The following DNAH10 variants were observed in gnomAD, a reference collection of about 807,000 sequenced individuals.
The protein encoded by DNAH10 is axonemal beta dynein heavy chain 10.
DNAH10 carries 348 observed loss-of-function variants against 506.6 expected under a neutral mutation model. The ratio of observed to expected loss-of-function variants is 0.69; its 90% CI spans 0.63 to 0.75. The LOEUF (loss-of-function observed/expected upper bound fraction) is 0.75. Ranked by LOEUF, DNAH10 falls within the 30% of genes least tolerant of loss-of-function variation. The pLI, the probability that DNAH10 is intolerant of heterozygous loss-of-function variation, is 0.00. For synonymous variants in DNAH10, 2,059 were observed against 2,198.6 expected, an observed-to-expected ratio of 0.94 and a Z score of 1.78; for missense variants, 5,179 against 5,787.1, an observed-to-expected ratio of 0.89 and a Z score of 3.41.
chr12:123,906,726 T>C (rs1022773119), intron 57 of DNAH10, among the ~76,000 whole-genome samples: 4 of 152,340 alleles, frequency 2.6e-5, no homozygotes, highest in Admixed American at 2.0e-4. Context: ...TTTGAGTTTT[T>C]CCAGATGAGT....
intron 52 of DNAH10, among the ~76,000 whole-genome samples, chr12:123,892,958 GCCT>G (rs2137180850): frequency 6.6e-6 from 1 of 152,324 alleles, no homozygotes; most frequent in African/African-American, 2.4e-5. Flanking sequence ...GGCAAGTGAG[GCCT>G]CCTCATGCTC....
intron 52 of DNAH10, 119 bp downstream of exon 52, chr12:123,887,432 T>A (rs1179142966): frequency 4.9e-6 from 6 of 1,212,284 alleles, no homozygotes; most frequent in Non-Finnish European, 6.6e-6. Flanking sequence ...GGTGTACCTG[T>A]TCCTCCCTCA....
chr12:123,925,277 A>G lies in DNAH10; in HGVS notation c.11921+73A>G. On this transcript the variant is annotated intron_variant, in intron 68 of 78. Transcript: ENST00000673944. The surrounding 1 kb of genome is among the most constrained non-coding windows in gnomAD (Gnocchi z 4.0). ...TCTAGCGTCCTCCCACCTTGGACTC[A>G]AAGAAAGCAGAGGCTGACCAGCTCC... is the stretch of plus-strand genomic sequence containing the variant. 6.2e-7 allele frequency: 1 copy of G among 1,600,104 alleles called. No individual in the cohort carries two copies. Among genetic ancestry groups the G allele is most frequent in the Non-Finnish European group, 8.5e-7 (1 of 1,170,390 alleles).
chr12:123,769,511 G>A (rs965858363), intron 2 of DNAH10, among the ~76,000 whole-genome samples: 5 of 152,100 alleles, frequency 3.3e-5, no homozygotes, highest in African/African-American at 7.2e-5. Context: ...TGGTAGTTCT[G>A]GATGCCACAG....
chr12:123,796,515 G>C, intron 12 of DNAH10, 141 bp from the exon 13 acceptor site: 2 of 720,514 alleles, frequency 2.8e-6, no homozygotes, highest in Non-Finnish European at 4.4e-6. Flanking sequence ...TAAATAATAA[G>C]TAAACAGTGA....
chr12:123,914,809 A>T, intron 61 of DNAH10, 43 bp from the exon 62 acceptor site: 1 of 1,602,690 alleles, frequency 6.2e-7, no homozygotes, highest in South Asian at 1.1e-5. Context: ...TTGGCTCACA[A>T]ATTGGTGAGA....
In DNAH10 at chr12:123,803,901, T is replaced by G. The variant is rs1490430278; in HGVS notation, c.2779+76T>G. 4 of 1,361,242 alleles carry G rather than the reference T, an allele frequency of 2.9e-6. No individual in the cohort carries two copies. The South Asian group carries it at 4.1e-5, about 14-fold the overall frequency. The allele number at this position is 1,361,242 out of a possible 1,614,324, so 84.3% of individuals were successfully genotyped here. A position where few individuals can be genotyped will look rare whatever the true frequency, so the allele number is the denominator to read the frequency against. On this transcript the variant is annotated intron_variant, in intron 17 of 78. Coordinates refer to ENST00000673944, the MANE Select transcript of DNAH10 (RefSeq NM_001372106.1). The stretch of plus-strand genomic sequence containing the variant: ...TTGTATATACATACATGTGTATATA[T>G]GTACCTATAAATATACATATGTATT...
In DNAH10 at chr12:123,831,775, G is replaced by C. The variant is rs536210802; in HGVS notation, c.4545+1076G>C. Among the ~76,000 whole-genome samples the C allele has an allele frequency of 2.5e-3, 381 of 150,072 alleles. 3 individuals are homozygous for C. Among genetic ancestry groups the C allele is most frequent in the Admixed American group, 5.8e-3 (88 of 15,052 alleles). On this transcript the variant is annotated intron_variant, in intron 26 of 78. Coordinates refer to ENST00000673944, the MANE Select transcript of DNAH10 (RefSeq NM_001372106.1). ...CGGGTGTGGTGCCGGGTGTGGTGGC[G>C]GGTGCCTGTAGTCCCAGCTACTCGG...
chr12:123,881,500 TTGA>T, intron 50 of DNAH10, 122 bp from the exon 51 acceptor site: 1 of 988,724 alleles, frequency 1.0e-6, no homozygotes. Flanking sequence ...ATGAAGTTGT[TTGA>T]TTTTTTCTCG....
chr12:123,870,524 T>C (rs1334163430), intron 44 of DNAH10, 39 bp downstream of exon 44: 2 of 1,599,102 alleles, frequency 1.3e-6, no homozygotes, highest in Non-Finnish European at 1.7e-6. Flanking sequence ...GGTTTAGGAG[T>C]GTGTGATACT....
At position 123,917,696 on chromosome 12, in the gene DNAH10, C is replaced by T. The variant is rs2137535792; in HGVS notation, c.11115C>T (p.Asn3705=). ...TCCAGGAGACCAGCGAGAACAAGAA[C>T]CTGCTCAAGGACCTGGAAGATTCCC... ...HLIQETSENK[N]LLKDLEDSLL... is the part of the protein sequence containing the mutation. The change falls in exon 64 of 79, where the codon AAC becomes AAT. Residue 3705 remains asparagine (N), a synonymous_variant. Coordinates refer to ENST00000673944, the MANE Select transcript of DNAH10 (RefSeq NM_001372106.1). The surrounding 1 kb of genome is among the most constrained non-coding windows in gnomAD (Gnocchi z 5.6). 6.4e-7 allele frequency: 1 copy of T among 1,556,952 alleles called. No homozygotes were observed. Among genetic ancestry groups the T allele is most frequent in the Non-Finnish European group, 8.7e-7 (1 of 1,150,356 alleles).
Position 123,870,536 on chromosome 12 carries a change from G to T in DNAH10, c.7639+51G>T, listed in dbSNP as rs186053924. The T allele has an allele frequency of 7.6e-6, 12 of 1,580,052 alleles. No individual in the cohort carries two copies. The African/African-American group carries it at 1.2e-4, about 16-fold the overall frequency. On this transcript the variant is annotated intron_variant, in intron 44 of 78. Coordinates refer to ENST00000673944, the MANE Select transcript of DNAH10 (RefSeq NM_001372106.1). ...CTGGGTTTAGGAGTGTGTGATACTC[G>T]CTCTAGGAGGAGGCAAAGAAGATCC... is the stretch of plus-strand genomic sequence containing the variant.
rs1170510836 is a variant in DNAH10 at position 123,902,213 on chromosome 12, C to T, written c.9641-726C>T. On this transcript the variant is annotated intron_variant, in intron 56 of 78. Coordinates refer to ENST00000673944, the MANE Select transcript of DNAH10 (RefSeq NM_001372106.1). The surrounding 1 kb of genome is among the most constrained non-coding windows in gnomAD (Gnocchi z 4.5). ...GACCCCAGGCATTGGATTTAGGGCC[C>T]ACCCTCACCCCGTATGACCTAATCT... Among the ~76,000 whole-genome samples, 1 of 152,142 alleles carries T rather than the reference C, an allele frequency of 6.6e-6. No homozygotes were observed. Among genetic ancestry groups the T allele is most frequent in the African/African-American group, 2.4e-5 (1 of 41,422 alleles).
At chr12:123,873,228 C>T (rs1248820657) in intron 45 of DNAH10, among the ~76,000 whole-genome samples, 1 of 152,202 alleles carries the variant, frequency 6.6e-6, no homozygotes. Flanking sequence ...GTGAGAAAAA[C>T]GAGGCTCTGA....
intron 23 of DNAH10, 28 bp from the exon 24 acceptor site, chr12:123,820,552 T>C: frequency 6.3e-7 from 1 of 1,599,076 alleles, no homozygotes. Context: ...ATTGTATTTA[T>C]TCACTCATCG....
chr12:123,781,047 C>T, intron 5 of DNAH10, 33 bp from the exon 6 acceptor site: 2 of 1,530,396 alleles, frequency 1.3e-6, no homozygotes, highest in African/African-American at 1.4e-5. Context: ...AAAATGACTT[C>T]ATATGATGTA....
Position 123,925,786 on chromosome 12 carries a change from G to A in DNAH10, c.11921+582G>A, listed in dbSNP as rs984760211. On this transcript the variant is annotated intron_variant, in intron 68 of 78. Transcript: ENST00000673944. This position sits in a 1 kb window ranked among gnomAD's most constrained non-coding sequence, Gnocchi z 4.0. ...AGGCTGGGTGGGGTCCTGGTCCCTGGGCAGCTGCCCTTAGCTCCTGCTGAC... is the reference window on the plus strand; with the variant it reads ...AGGCTGGGTGGGGTCCTGGTCCCTGAGCAGCTGCCCTTAGCTCCTGCTGAC... 1.3e-5 allele frequency: 2 copies of A among 152,462 alleles called. No individual in the cohort carries two copies. Among genetic ancestry groups the A allele is most frequent in the African/African-American group, 4.8e-5 (2 of 41,446 alleles). 9.4% of individuals were successfully genotyped at this position (152,462 alleles called of 1,614,324 possible). A position where few individuals can be genotyped will look rare whatever the true frequency, so the allele number is the denominator to read the frequency against.
In DNAH10 at chr12:123,853,842, G is replaced by T. The variant is rs927498324; in HGVS notation, c.6438+490G>T. Among the ~76,000 whole-genome samples, 3 of 143,608 alleles carry T rather than the reference G, an allele frequency of 2.1e-5. No homozygotes were observed. The highest frequency in any genetic ancestry group is 7.7e-5 in the African/African-American group (3 of 39,198). The allele number at this position is 143,608 out of a possible 152,430, so 94.2% of individuals were successfully genotyped here. On this transcript the variant is annotated intron_variant, in intron 36 of 78. Transcript: ENST00000673944. This position sits in a 1 kb window ranked among gnomAD's most constrained non-coding sequence, Gnocchi z 4.7. ...CACACGCACGCACACACACGCACAC[G>T]CACGGACACACGCACGCGCACACAC...
chr12:123,805,445 G>A (rs930749681), intron 18 of DNAH10, among the ~76,000 whole-genome samples: 1 of 152,168 alleles, frequency 6.6e-6, no homozygotes, highest in Non-Finnish European at 1.5e-5. Flanking sequence ...CGTGTTGAAT[G>A]CCTGTTTCAT....
Sources: allele counts gnomAD v4.1 joint callset (sites outside exome capture counted in the v4.1 genomes callset), GRCh38; gene constraint gnomAD v4.1.1; non-coding constraint Gnocchi (gnomAD v3.1); transcripts MANE v1.5; gene names NCBI Gene and HGNC (gene_info 2026-07-23, HGNC 2026-07-21).